Variants in IRX3 observed in about 807,000 individuals in gnomAD.
IRX3 encodes the protein iroquois-class homeodomain protein IRX-3.
A neutral mutation model predicts 36.4 loss-of-function variants in IRX3; 20 were observed. That is an observed-to-expected ratio of 0.55 (90% confidence interval 0.39 to 0.80). IRX3 has a LOEUF of 0.80. Ranked by LOEUF, IRX3 falls within the 30% of genes least tolerant of loss-of-function variation. The pLI, the probability that IRX3 is intolerant of heterozygous loss-of-function variation, is 0.00. For synonymous variants in IRX3, 404 were observed against 351.6 expected, an observed-to-expected ratio of 1.15 and a Z score of -1.67; for missense variants, 718 against 733.2, an observed-to-expected ratio of 0.98 and a Z score of 0.24.
rs913897230 is a variant in IRX3, at chr16:54,285,166, C to T, written c.715G>A (p.Asp239Asn). The T allele has an allele frequency of 8.1e-6, 13 of 1,601,440 alleles. No homozygotes were observed. Among genetic ancestry groups the T allele is most frequent in the Admixed American group, 3.4e-5 (2 of 58,472 alleles). The stretch of plus-strand genomic sequence containing the variant: ...TCAGCCAGGCCCTCGCCCCCCGTGT[C>T]CTCCTCCTCCCCCCCGAGCTCCTCC... ...EEEELGGEEE[D>N]TGGEGLADDD... Residue 239 changes from aspartate (D) to asparagine (N), a missense_variant, in exon 2 of 4, where the codon GAC becomes AAC. Around this residue, in one of 3 missense-constraint regions of IRX3, gnomAD observed 468 missense variants for 462.1 expected, o/e 1.01. Coordinates refer to ENST00000329734, the MANE Select transcript of IRX3 (RefSeq NM_024336.3). This position sits in a 1 kb window ranked among gnomAD's most constrained non-coding sequence, Gnocchi z 5.7.
rs769353676 is a variant in IRX3 at position 54,285,066 on chromosome 16, C to T, written c.815G>A (p.Gly272Glu). 1.2e-5 allele frequency: 20 copies of T among 1,613,774 alleles called. No individual in the cohort carries two copies. The Admixed American group carries it at 3.2e-4, about 26-fold the overall frequency. ...AATEPELSLA[G>E]AARRDGDLGL... ...TAGGTCGCCATCCCTGCGCGCCGCC[C>T]CAGCCAGGGACAGCTCAGGCTCGGT... Residue 272 changes from glycine (G) to glutamate (E), a missense_variant, in exon 2 of 4, where the codon GGG (glycine) becomes GAG (glutamate). Physicochemically the swap from Gly to Glu is moderately conservative, Grantham distance 98 (BLOSUM62 -2). Transcript: ENST00000329734. The surrounding 1 kb of genome is among the most constrained non-coding windows in gnomAD (Gnocchi z 5.7).
rs1444723455 is a variant in IRX3 at position 54,285,186 on chromosome 16, T to C, written c.695A>G (p.Glu232Gly). 6 of 1,594,272 alleles carry C rather than the reference T, an allele frequency of 3.8e-6. 1 individual carries two copies. In the Middle Eastern group the frequency reaches 5.0e-4, roughly 132 times the overall value. ...GKRELELEEE[E>G]LGGEEEDTGG... ...CGTGTCCTCCTCCTCCCCCCCGAGC[T>C]CCTCCTCCTCCAGCTCTAGCTCGCG... The change falls in exon 2 of 4, where the codon GAG becomes GGG. Residue 232 changes from glutamate to glycine, a missense_variant. Glu to Gly is a moderately conservative substitution (Grantham distance 98). Coordinates refer to ENST00000329734, the MANE Select transcript of IRX3 (RefSeq NM_024336.3). The surrounding 1 kb of genome is among the most constrained non-coding windows in gnomAD (Gnocchi z 5.7).
Position 54,285,091 on chromosome 16 carries a change from T to C in IRX3, c.790A>G (p.Thr264Ala). The change falls in exon 2 of 4, where the codon ACC (threonine) becomes GCC (alanine). Residue 264 changes from threonine (T) to alanine (A), a missense_variant. Thr to Ala is a moderately conservative substitution (Grantham distance 58). Around this residue, in one of 3 missense-constraint regions of IRX3, gnomAD observed 468 missense variants for 462.1 expected, o/e 1.01. Transcript: ENST00000329734. This position sits in a 1 kb window ranked among gnomAD's most constrained non-coding sequence, Gnocchi z 5.7. ...CCAGCCAGGGACAGCTCAGGCTCGGTGGCCGCGCCGTCTAAGTTCTCCAAA... is the reference window on the plus strand; with the variant it reads ...CCAGCCAGGGACAGCTCAGGCTCGGCGGCCGCGCCGTCTAAGTTCTCCAAA... Reference protein sequence around the residue: ...IDLENLDGAATEPELSLAGAA... With the variant: ...IDLENLDGAAAEPELSLAGAA... 1 of 1,613,596 alleles carries C rather than the reference T, an allele frequency of 6.2e-7. No homozygotes were observed.
Position 54,285,958 on chromosome 16 carries a change from C to T in IRX3, c.93G>A (p.Gly31=), listed in dbSNP as rs781413571. The part of the protein sequence containing the change: ...GAAGGSGGSA[G]ARGGLGAGAS... ...CTCCGGCACCCAGGCCGCCCCGGGC[C>T]CCCGCGCTGCCGCCGCTGCCGCCAG... Residue 31 remains glycine, a synonymous_variant, in exon 1 of 4, where the codon GGG becomes GGA. Coordinates refer to ENST00000329734, the MANE Select transcript of IRX3 (RefSeq NM_024336.3). This position sits in a 1 kb window ranked among gnomAD's most constrained non-coding sequence, Gnocchi z 5.7. The T allele has an allele frequency of 7.1e-7, 1 of 1,408,980 alleles. No homozygotes were observed. Among genetic ancestry groups the T allele is most frequent in the South Asian group, 1.6e-5 (1 of 62,082 alleles). The allele number at this position is 1,408,980 out of a possible 1,614,324, so 87.3% of individuals were successfully genotyped here.
In IRX3 at chr16:54,283,805, G is replaced by A. The variant is rs1357931525; in HGVS notation, c.1452-65C>T. The stretch of plus-strand genomic sequence containing the variant: ...CAGGAGCGCAGAGGCTGCCTAGGGC[G>A]GGGAGATCCTACTTGGATTGGGGCC... On this transcript the variant is annotated intron_variant, in intron 3 of 3. Coordinates refer to ENST00000329734, the MANE Select transcript of IRX3 (RefSeq NM_024336.3). The surrounding 1 kb of genome is among the most constrained non-coding windows in gnomAD (Gnocchi z 4.4). The A allele has an allele frequency of 8.8e-6, 14 of 1,597,206 alleles. No homozygotes were observed. The highest frequency in any genetic ancestry group is 1.0e-5 in the Non-Finnish European group (12 of 1,173,020).
In IRX3 at chr16:54,284,798, G is replaced by C. The variant is rs1424025603; in HGVS notation, c.1083C>G (p.Asn361Lys). The C allele has an allele frequency of 1.4e-6, 2 of 1,474,598 alleles. No individual in the cohort carries two copies. Among genetic ancestry groups the C allele is most frequent in the Admixed American group, 5.3e-5 (2 of 37,706 alleles). 91.3% of individuals were successfully genotyped at this position (1,474,598 alleles called of 1,614,324 possible). ...CCGCGCCGGGAGGCGAGCGGCGCGG[G>C]TTGTCCGGGCTTGTGGCAGTCTCCG... ...SLAETATSPD[N>K]PRRSPPGAGG... Residue 361 changes from asparagine to lysine, a missense_variant, in exon 2 of 4, where the codon AAC becomes AAG. Coordinates refer to ENST00000329734, the MANE Select transcript of IRX3 (RefSeq NM_024336.3). The surrounding 1 kb of genome is among the most constrained non-coding windows in gnomAD (Gnocchi z 4.0).
In IRX3 at chr16:54,286,232, AG is replaced by A; in HGVS notation, c.-183del. ...CTCCGCGGCGGCGACGGCGGCGGCGAGGGCGGCGGCGAGGAGCCAGGTCAGG... is the reference window on the plus strand; with the variant it reads ...CTCCGCGGCGGCGACGGCGGCGGCGAGGCGGCGGCGAGGAGCCAGGTCAGG... On this transcript the variant is annotated 5_prime_UTR_variant, in exon 1 of 4. Coordinates refer to ENST00000329734, the MANE Select transcript of IRX3 (RefSeq NM_024336.3). The A allele has an allele frequency of 9.9e-7, 1 of 1,010,248 alleles. No individual in the cohort carries two copies. The highest frequency in any genetic ancestry group is 1.2e-6 in the Non-Finnish European group (1 of 847,242). 62.6% of individuals were successfully genotyped at this position (1,010,248 alleles called of 1,614,324 possible). A position where few individuals can be genotyped will look rare whatever the true frequency, so the allele number is the denominator to read the frequency against.
In IRX3 at chr16:54,285,187, C is replaced by T; in HGVS notation, c.694G>A (p.Glu232Lys). The T allele has an allele frequency of 6.3e-7, 1 of 1,599,314 alleles. No individual in the cohort carries two copies. The highest frequency in any genetic ancestry group is 1.1e-5 in the South Asian group (1 of 89,848). The change falls in exon 2 of 4, where the codon GAG becomes AAG. Residue 232 changes from glutamate to lysine, a missense_variant. By Grantham distance (56) the Glu-to-Lys change is moderately conservative. This residue lies in a region of IRX3 where 468 missense variants were observed against 462.1 expected (regional missense o/e 1.01). Coordinates refer to ENST00000329734, the MANE Select transcript of IRX3 (RefSeq NM_024336.3). This position sits in a 1 kb window ranked among gnomAD's most constrained non-coding sequence, Gnocchi z 5.7. ...GKRELELEEEELGGEEEDTGG... is the reference protein window; with the variant it reads ...GKRELELEEEKLGGEEEDTGG... ...GTGTCCTCCTCCTCCCCCCCGAGCT[C>T]CTCCTCCTCCAGCTCTAGCTCGCGT...
Position 54,283,661 on chromosome 16 carries a change from T to C in IRX3, c.*25A>G. 2.7e-6 allele frequency: 3 copies of C among 1,123,904 alleles called. No individual in the cohort carries two copies. Among genetic ancestry groups the C allele is most frequent in the South Asian group, 1.3e-5 (1 of 74,906 alleles). 69.6% of individuals were successfully genotyped at this position (1,123,904 alleles called of 1,614,324 possible). A position where few individuals can be genotyped will look rare whatever the true frequency, so the allele number is the denominator to read the frequency against. On this transcript the variant is annotated 3_prime_UTR_variant, in exon 4 of 4. Transcript: ENST00000329734. The surrounding 1 kb of genome is among the most constrained non-coding windows in gnomAD (Gnocchi z 4.4). ...TTACAACGATTAAAAAAAGTTTTTT[T>C]TGTTTTTTTGTTTTTTTTAAAGAAC... is the stretch of plus-strand genomic sequence containing the variant.
In IRX3 at chr16:54,285,762, C is replaced by G. The variant is rs1358496572; in HGVS notation, c.267+22G>C. 6.6e-6 allele frequency: 10 copies of G among 1,519,436 alleles called. No individual in the cohort carries two copies. Among genetic ancestry groups the G allele is most frequent in the Non-Finnish European group, 8.8e-6 (10 of 1,142,684 alleles). 94.1% of individuals were successfully genotyped at this position (1,519,436 alleles called of 1,614,324 possible). On this transcript the variant is annotated intron_variant, in intron 1 of 3. Transcript: ENST00000329734. This position sits in a 1 kb window ranked among gnomAD's most constrained non-coding sequence, Gnocchi z 5.7. ...TGCGCCCCAGCGCCAACCCCTCCTT[C>G]CCTGGCTCCGCGGGCTCTTACCAGC...
chr16:54,285,131 C>T lies in IRX3; in HGVS notation c.750G>A (p.Glu250=). The T allele has an allele frequency of 1.2e-6, 2 of 1,612,904 alleles. No homozygotes were observed. Among genetic ancestry groups the T allele is most frequent in the Admixed American group, 1.7e-5 (1 of 59,876 alleles). The change falls in exon 2 of 4, where the codon GAG becomes GAA. Residue 250 remains glutamate (E), a synonymous_variant. Coordinates refer to ENST00000329734, the MANE Select transcript of IRX3 (RefSeq NM_024336.3). This position sits in a 1 kb window ranked among gnomAD's most constrained non-coding sequence, Gnocchi z 5.7. ...TGGEGLADDD[E]DEEIDLENLD... The stretch of plus-strand genomic sequence containing the variant: ...AGTTCTCCAAATCGATCTCCTCGTC[C>T]TCGTCGTCGTCAGCCAGGCCCTCGC...
rs756838946 is a variant in IRX3, at chr16:54,284,257, G to A, written c.1440C>T (p.Pro480=). 8 of 1,612,148 alleles carry A rather than the reference G, an allele frequency of 5.0e-6. No individual in the cohort carries two copies. Among genetic ancestry groups the A allele is most frequent in the African/African-American group, 1.3e-5 (1 of 74,778 alleles). ...EKKLLKTAFQ[P]VPRRPQNHLD... The stretch of plus-strand genomic sequence containing the variant: ...TCGGGGTTTCTTACCGCCTGGGCAC[G>A]GGCTGGAAAGCTGTCTTGAGTAACT... The change falls in exon 3 of 4, where the codon CCC becomes CCT. Residue 480 remains proline, a synonymous_variant. Transcript: ENST00000329734. This position sits in a 1 kb window ranked among gnomAD's most constrained non-coding sequence, Gnocchi z 4.0.
rs1901336421 is a variant in IRX3, at chr16:54,286,190, G to C, written c.-140C>G. ...CCGCCCGCGCTGCGCTGTGCTCCGC[G>C]TTCGCCTATTGATCTGCTCCGCGGC... On this transcript the variant is annotated 5_prime_UTR_variant, in exon 1 of 4. Transcript: ENST00000329734. The C allele has an allele frequency of 9.7e-7, 1 of 1,034,632 alleles. No individual in the cohort carries two copies. Among genetic ancestry groups the C allele is most frequent in the Non-Finnish European group, 1.2e-6 (1 of 861,482 alleles). The allele number at this position is 1,034,632 out of a possible 1,614,324, so 64.1% of individuals were successfully genotyped here.
chr16:54,284,501 T>C lies in IRX3; in HGVS notation c.1380A>G (p.Gly460=). ...CGCCCAGCGCTCAGCAGTCACCTGTTCCGCCTTCGGGCTCCGCTGGCCGAG... is the reference window on the plus strand; with the variant it reads ...CGCCCAGCGCTCAGCAGTCACCTGTCCCGCCTTCGGGCTCCGCTGGCCGAG... ...AFARPAEPEG[G]TDRCSALEVE... The change falls in exon 2 of 4, where the codon GGA becomes GGG. Residue 460 remains glycine, a synonymous_variant. Transcript: ENST00000329734. This position sits in a 1 kb window ranked among gnomAD's most constrained non-coding sequence, Gnocchi z 4.0. The C allele has an allele frequency of 1.4e-6, 2 of 1,401,950 alleles. No homozygotes were observed. Among genetic ancestry groups the C allele is most frequent in the Non-Finnish European group, 1.8e-6 (2 of 1,090,884 alleles). 86.8% of individuals were successfully genotyped at this position (1,401,950 alleles called of 1,614,324 possible). A position where few individuals can be genotyped will look rare whatever the true frequency, so the allele number is the denominator to read the frequency against.
Position 54,285,979 on chromosome 16 carries a change from G to T in IRX3, c.72C>A (p.Gly24=), listed in dbSNP as rs1296446485. ...LYPSERPGAA[G]GSGGSAGARG... ...GGGCCCCCGCGCTGCCGCCGCTGCCGCCAGCGGCCCCCGGGCGCTCGGACG... is the reference window on the plus strand; with the variant it reads ...GGGCCCCCGCGCTGCCGCCGCTGCCTCCAGCGGCCCCCGGGCGCTCGGACG... Residue 24 remains glycine, a synonymous_variant, in exon 1 of 4, where the codon GGC becomes GGA. Coordinates refer to ENST00000329734, the MANE Select transcript of IRX3 (RefSeq NM_024336.3). The surrounding 1 kb of genome is among the most constrained non-coding windows in gnomAD (Gnocchi z 5.7). The T allele has an allele frequency of 5.1e-6, 7 of 1,375,808 alleles. No individual in the cohort carries two copies. In the Admixed American group the frequency reaches 1.5e-4, roughly 30 times the overall value. The allele number at this position is 1,375,808 out of a possible 1,614,324, so 85.2% of individuals were successfully genotyped here. A position where few individuals can be genotyped will look rare whatever the true frequency, so the allele number is the denominator to read the frequency against.
chr16:54,284,324 G>A lies in IRX3; in HGVS notation c.1385-12C>T. 1 of 1,601,188 alleles carries A rather than the reference G, an allele frequency of 6.2e-7. No individual in the cohort carries two copies. Among genetic ancestry groups the A allele is most frequent in the Admixed American group, 1.7e-5 (1 of 58,054 alleles). ...GGCACTACAGCGATCTAAGGGAAGCGGGGGAAGAAAAAGGAGGGCCTTTAG... is the reference window on the plus strand; with the variant it reads ...GGCACTACAGCGATCTAAGGGAAGCAGGGGAAGAAAAAGGAGGGCCTTTAG... On this transcript the variant is annotated splice_polypyrimidine_tract_variant and intron_variant, in intron 2 of 3. Transcript: ENST00000329734. The surrounding 1 kb of genome is among the most constrained non-coding windows in gnomAD (Gnocchi z 4.0).
chr16:54,284,873 G>A lies in IRX3; in HGVS notation c.1008C>T (p.Pro336=). ...GCAGGGCGGAGGCGGGGGCTGGTGC[G>A]GGAGCGCAGGGGTCCAGGCTCACGG... ...SPPVSLDPCA[P]APAPASALQK... The change falls in exon 2 of 4, where the codon CCC becomes CCT. Residue 336 remains proline, a synonymous_variant. Coordinates refer to ENST00000329734, the MANE Select transcript of IRX3 (RefSeq NM_024336.3). This position sits in a 1 kb window ranked among gnomAD's most constrained non-coding sequence, Gnocchi z 4.0. 6.5e-7 allele frequency: 1 copy of A among 1,548,768 alleles called. No individual in the cohort carries two copies. The highest frequency in any genetic ancestry group is 8.7e-7 in the Non-Finnish European group (1 of 1,149,588).
Position 54,286,425 on chromosome 16 carries a change from C to T in IRX3, c.-375G>A, listed in dbSNP as rs187950402. ...TCCTCTCCCCAGCAGTGTCGCGCCTCGCTTCCTTCGCCCTCCTCTAGTTTT... is the reference window on the plus strand; with the variant it reads ...TCCTCTCCCCAGCAGTGTCGCGCCTTGCTTCCTTCGCCCTCCTCTAGTTTT... On this transcript the variant is annotated 5_prime_UTR_variant, in exon 1 of 4. Coordinates refer to ENST00000329734, the MANE Select transcript of IRX3 (RefSeq NM_024336.3). 779 of 982,004 alleles carry T rather than the reference C, an allele frequency of 7.9e-4. 13 individuals are homozygous for T. The African/African-American group carries it at 0.013, about 16-fold the overall frequency. The allele number at this position is 982,004 out of a possible 1,614,324, so 60.8% of individuals were successfully genotyped here. A position where few individuals can be genotyped will look rare whatever the true frequency, so the allele number is the denominator to read the frequency against.
chr16:54,284,977 C>A lies in IRX3; in HGVS notation c.904G>T (p.Asp302Tyr). ...DSEDSSEGLEDRPLPVLSLAP... is the reference protein window; with the variant it reads ...DSEDSSEGLEYRPLPVLSLAP... Reference sequence around the variant, plus strand: ...AGACTCAGGACCGGTAGTGGCCGGTCCTCTAAGCCCTCAGAGCTATCTTCC... The same window carrying A: ...AGACTCAGGACCGGTAGTGGCCGGTACTCTAAGCCCTCAGAGCTATCTTCC... Residue 302 changes from aspartate to tyrosine, a missense_variant, in exon 2 of 4, where the codon GAC (aspartate) becomes TAC (tyrosine). Asp to Tyr is a radical substitution (Grantham distance 160). Around this residue, in one of 3 missense-constraint regions of IRX3, gnomAD observed 468 missense variants for 462.1 expected, o/e 1.01. Coordinates refer to ENST00000329734, the MANE Select transcript of IRX3 (RefSeq NM_024336.3). The surrounding 1 kb of genome is among the most constrained non-coding windows in gnomAD (Gnocchi z 4.0). The A allele has an allele frequency of 1.2e-6, 2 of 1,612,620 alleles. No homozygotes were observed. The highest frequency in any genetic ancestry group is 1.7e-6 in the Non-Finnish European group (2 of 1,179,742).
Sources: gnomAD v4.1 joint callset for allele counts on GRCh38, gnomAD v4.1.1 for gene constraint, gnomAD v4.1.1 regional missense constraint, Gnocchi (gnomAD v3.1) non-coding constraint, MANE v1.5 for transcripts, NCBI Gene and HGNC (gene_info 2026-07-23, HGNC 2026-07-21) for gene names.